SH3BP4: variants seen among roughly 807,000 people sequenced by gnomAD.
The protein encoded by SH3BP4 is SH3 domain-binding protein 4.
SH3BP4 carries 33 observed loss-of-function variants against 65.5 expected under a neutral mutation model. The observed-to-expected ratio is 0.50, with a 90% CI of 0.38 to 0.67. The LOEUF (loss-of-function observed/expected upper bound fraction) is 0.67. Among genes scored for constraint, SH3BP4 ranks in the 30% least tolerant of loss-of-function variants. The probability of loss-of-function intolerance (pLI) is 0.00; values close to 1 mark genes in which losing one functional copy is unlikely to be tolerated. For missense variants in SH3BP4, 1,134 were observed against 1,261.4 expected (o/e 0.90, Z 1.53); for synonymous variants, 552 against 545.5 (o/e 1.01, Z -0.17).
Position 235,035,221 on chromosome 2 carries a change from T to C in SH3BP4, c.118+101T>C, listed in dbSNP as rs1695340498. 5 of 851,164 alleles carry C rather than the reference T, an allele frequency of 5.9e-6. No individual in the cohort carries two copies. The East Asian group carries it at 1.2e-4, about 21-fold the overall frequency. 52.7% of individuals were successfully genotyped at this position (851,164 alleles called of 1,614,324 possible). A position where few individuals can be genotyped will look rare whatever the true frequency, so the allele number is the denominator to read the frequency against. On this transcript the variant is annotated intron_variant, in intron 3 of 5. Transcript: ENST00000392011. The surrounding 1 kb of genome is among the most constrained non-coding windows in gnomAD (Gnocchi z 5.0). ...GCTTTAAAGATTGCCAGTTTAGCATTCAGATAGTTAAAGTTTAGTTCTTTA... is the reference window on the plus strand; with the variant it reads ...GCTTTAAAGATTGCCAGTTTAGCATCCAGATAGTTAAAGTTTAGTTCTTTA...
Position 235,041,240 on chromosome 2 carries a change from T to C in SH3BP4, c.471T>C (p.Ser157=), listed in dbSNP as rs1695629194. 6.2e-7 allele frequency: 1 copy of C among 1,613,910 alleles called. No individual in the cohort carries two copies. The highest frequency in any genetic ancestry group is 1.1e-5 in the South Asian group (1 of 91,070). The change falls in exon 4 of 6, where the codon AGT becomes AGC. Residue 157 remains serine, a synonymous_variant. Transcript: ENST00000392011. This position sits in a 1 kb window ranked among gnomAD's most constrained non-coding sequence, Gnocchi z 6.0. ...DDKKVPGRMY[S]NNPFWNGVQT... is the part of the protein sequence containing the mutation. ...AAAAAGTACCAGGCAGAATGTACAG[T>C]AATAACCCTTTCTGGAATGGGGTCC...
chr2:235,043,182 C>T lies in SH3BP4; in HGVS notation c.2413C>T (p.Leu805=). The T allele has an allele frequency of 6.2e-7, 1 of 1,609,072 alleles. No homozygotes were observed. The highest frequency in any genetic ancestry group is 8.5e-7 in the Non-Finnish European group (1 of 1,177,082). Residue 805 remains leucine (L), a synonymous_variant, in exon 4 of 6, where the codon CTG becomes TTG. Transcript: ENST00000392011. The part of the protein sequence containing the change: ...PERVASVLEK[L]KEDCNNTENK... ...GCGGGTGGCGTCCGTCCTAGAAAAG[C>T]TGAAGGAGGACTGTAACAACACTGA...
At chr2:234,969,325 T>G (rs1692920097) in intron 1 of SH3BP4, among the ~76,000 whole-genome samples, 1 of 152,178 alleles carries the variant, frequency 6.6e-6, no homozygotes, top group Admixed American at 6.5e-5. Flanking sequence ...GGGTCTATGC[T>G]CCTTCCTCAT....
chr2:234,971,742 A>G (rs1693007546), intron 1 of SH3BP4, among the ~76,000 whole-genome samples: 1 of 152,146 alleles, frequency 6.6e-6, no homozygotes, highest in Non-Finnish European at 1.5e-5. Flanking sequence ...CTGATGACTC[A>G]TGATGTTGGC....
Position 235,043,135 on chromosome 2 carries a change from C to G in SH3BP4, c.2366C>G (p.Ala789Gly), listed in dbSNP as rs1459124448. 2.5e-6 allele frequency: 4 copies of G among 1,613,720 alleles called. No individual in the cohort carries two copies. Among genetic ancestry groups the G allele is most frequent in the Non-Finnish European group, 3.4e-6 (4 of 1,179,960 alleles). ...VNLPLTFFCR[A>G]ELDSEPERVA... The stretch of plus-strand genomic sequence containing the variant: ...CTGCCGCTCACCTTTTTCTGCCGGG[C>G]AGAGCTGGATAGTGAGCCCGAGCGG... Residue 789 changes from alanine (A) to glycine (G), a missense_variant, in exon 4 of 6, where the codon GCA (alanine) becomes GGA (glycine). Ala to Gly is a moderately conservative substitution (Grantham distance 60). Coordinates refer to ENST00000392011, the MANE Select transcript of SH3BP4 (RefSeq NM_014521.3).
intron 1 of SH3BP4, among the ~76,000 whole-genome samples, chr2:234,961,207 A>C (rs2106240560): frequency 6.6e-6 from 1 of 152,344 alleles, no homozygotes; most frequent in South Asian, 2.1e-4. Context: ...AAATGAGATC[A>C]CACTCAATGC....
At chr2:234,962,903 C>G (rs1481863822) in intron 1 of SH3BP4, among the ~76,000 whole-genome samples, 1 of 152,066 alleles carries the variant, frequency 6.6e-6, no homozygotes, top group Non-Finnish European at 1.5e-5. Flanking sequence ...TTAGTAGAGA[C>G]ACAGTTTCTA....
intron 3 of SH3BP4, among the ~76,000 whole-genome samples, chr2:235,039,391 G>A (rs370715698): frequency 1.4e-4 from 21 of 152,064 alleles, no homozygotes; most frequent in East Asian, 7.7e-4. Context: ...GATAGAATAC[G>A]ATGACTGTGG....
intron 2 of SH3BP4, among the ~76,000 whole-genome samples, chr2:235,010,457 A>G (rs1694444276): frequency 1.3e-5 from 2 of 152,196 alleles, no homozygotes; most frequent in Middle Eastern, 3.2e-3. Flanking sequence ...CGGTTTCCTC[A>G]TTTGTGAAAT....
intron 4 of SH3BP4, among the ~76,000 whole-genome samples, chr2:235,051,642 T>A (rs1233144438): frequency 6.6e-6 from 1 of 151,610 alleles, no homozygotes; most frequent in Non-Finnish European, 1.5e-5. Context: ...CTGGGGGAGG[T>A]CTGTGCATCT....
chr2:235,037,236 T>C (rs956117241), intron 3 of SH3BP4, among the ~76,000 whole-genome samples: 13 of 152,166 alleles, frequency 8.5e-5, no homozygotes, highest in African/African-American at 3.1e-4. Flanking sequence ...TAGAATTCGT[T>C]AGGGATTCTC....
Position 235,030,601 on chromosome 2 carries a change from T to G in SH3BP4, c.-132-4270T>G, listed in dbSNP as rs1695154349. ...AGATTGAGAGGTTATCACCCAGAGG[T>G]GGCCAGTGAGCGTGGCCACACCAGG... On this transcript the variant is annotated intron_variant, in intron 2 of 5. Transcript: ENST00000392011. This position sits in a 1 kb window ranked among gnomAD's most constrained non-coding sequence, Gnocchi z 4.1. Among the ~76,000 whole-genome samples, 3 of 145,572 alleles carry G rather than the reference T, an allele frequency of 2.1e-5. No homozygotes were observed. The highest frequency in any genetic ancestry group is 5.1e-5 in the African/African-American group (2 of 39,210).
intron 1 of SH3BP4, among the ~76,000 whole-genome samples, chr2:234,955,706 T>C (rs1158697168): frequency 6.6e-6 from 1 of 152,188 alleles, no homozygotes; most frequent in Non-Finnish European, 1.5e-5. Flanking sequence ...TTTGAGGAAG[T>C]AGAATTGCTG....
intron 1 of SH3BP4, among the ~76,000 whole-genome samples, chr2:234,965,632 A>T (rs1692816254): frequency 6.6e-6 from 1 of 152,222 alleles, no homozygotes; most frequent in African/African-American, 2.4e-5. Flanking sequence ...CATTAGTCAA[A>T]TTGTCTAGAA....
At chr2:234,983,884 G>A (rs1483174936) in intron 1 of SH3BP4, among the ~76,000 whole-genome samples, 4 of 152,228 alleles carry the variant, frequency 2.6e-5, no homozygotes, top group East Asian at 3.9e-4. Context: ...TGGCCCTGTC[G>A]TCAGCCCAGT....
chr2:234,955,209 A>T (rs1440782731), intron 1 of SH3BP4, among the ~76,000 whole-genome samples: 1 of 151,988 alleles, frequency 6.6e-6, no homozygotes, highest in Non-Finnish European at 1.5e-5. Flanking sequence ...GAGTTCTCAG[A>T]GCACTCTCAG....
chr2:235,047,560 C>T (rs1185371256), intron 4 of SH3BP4, among the ~76,000 whole-genome samples: 3 of 152,176 alleles, frequency 2.0e-5, no homozygotes, highest in African/African-American at 7.2e-5. Flanking sequence ...AGAGACTATT[C>T]CCAATTCTCG....
chr2:235,052,815 A>G lies in SH3BP4; in HGVS notation c.2667+65A>G, dbSNP rs1468930381. On this transcript the variant is annotated intron_variant, in intron 5 of 5. Coordinates refer to ENST00000392011, the MANE Select transcript of SH3BP4 (RefSeq NM_014521.3). The surrounding 1 kb of genome is among the most constrained non-coding windows in gnomAD (Gnocchi z 5.0). ...GTCCCTGGGTTCCGTGGACCCATGC[A>G]GTGCAGCCATAAAAAGTCTTGCCTC... The G allele has an allele frequency of 1.1e-5, 15 of 1,424,382 alleles. No individual in the cohort carries two copies. Among genetic ancestry groups the G allele is most frequent in the Non-Finnish European group, 1.4e-5 (15 of 1,065,174 alleles). The allele number at this position is 1,424,382 out of a possible 1,614,324, so 88.2% of individuals were successfully genotyped here. A position where few individuals can be genotyped will look rare whatever the true frequency, so the allele number is the denominator to read the frequency against.
intron 1 of SH3BP4, chr2:234,953,223 C>G (rs1203485770): frequency 2.0e-5 from 3 of 152,242 alleles, no homozygotes; most frequent in African/African-American, 7.2e-5. Context: ...ATGCTCAGGA[C>G]AGAAAGCTAG....
Sources: gnomAD v4.1 joint callset for allele counts (sites outside exome capture counted in the v4.1 genomes callset) on GRCh38, gnomAD v4.1.1 for gene constraint, Gnocchi (gnomAD v3.1) non-coding constraint, MANE v1.5 for transcripts, NCBI Gene and HGNC (gene_info 2026-07-23, HGNC 2026-07-21) for gene names.